OXR1: variants seen among roughly 807,000 people sequenced by gnomAD.
OXR1 encodes the protein oxidation resistance protein 1.
OXR1 carries 41 observed loss-of-function variants against 104.6 expected under a neutral mutation model. The ratio of observed to expected loss-of-function variants is 0.39; its 90% CI spans 0.31 to 0.51. The LOEUF (loss-of-function observed/expected upper bound fraction) is 0.51, where lower values mean the gene tolerates loss of function less well. Among genes scored for constraint, OXR1 ranks in the 20% least tolerant of loss-of-function variants. The pLI is 0.77. For missense variants in OXR1, 955 were observed against 1,031.9 expected (o/e 0.93, Z 1.02); for synonymous variants, 348 against 348.4 (o/e 1.00, Z 0.01).
At chr8:106,719,169 G>A (rs993145595) in intron 11 of OXR1, among the ~76,000 whole-genome samples, 1 of 152,138 alleles carries the variant, frequency 6.6e-6, no homozygotes, top group African/African-American at 2.4e-5. Context: ...TTGCAGTTCT[G>A]TGATAAATAT....
chr8:106,720,413 T>C (rs1832727704), intron 11 of OXR1, among the ~76,000 whole-genome samples: 2 of 152,284 alleles, frequency 1.3e-5, no homozygotes, highest in South Asian at 4.1e-4. Flanking sequence ...GTTAAACATA[T>C]ACAATATTAA....
chr8:106,330,001 T>A (rs1379795257), intron 1 of OXR1, among the ~76,000 whole-genome samples: 2 of 152,168 alleles, frequency 1.3e-5, no homozygotes, highest in African/African-American at 4.8e-5. Context: ...CCCCTCTCTG[T>A]CTGTAGCCCT....
chr8:106,404,540 C>T lies in OXR1; in HGVS notation c.23+44904C>T, dbSNP rs146343249. 2.8e-4 allele frequency among the ~76,000 whole-genome samples: 43 copies of T among 151,826 alleles called. No homozygotes were observed. The East Asian group carries it at 4.1e-3, about 14-fold the overall frequency. On this transcript the variant is annotated intron_variant, in intron 2 of 16. Transcript: ENST00000517566. ...TTTCCTTCAGAACACACATAGAAGA[C>T]GTTAGGTCATTTCTACCACATAAAA...
chr8:106,365,517 T>G (rs1368141230), intron 2 of OXR1, among the ~76,000 whole-genome samples: 1 of 152,012 alleles, frequency 6.6e-6, no homozygotes, highest in African/African-American at 2.4e-5. Flanking sequence ...AACTTTAAGG[T>G]AAAGTATCAT....
At chr8:106,447,940 C>CGG (rs1423506704) in intron 2 of OXR1, 2 of 1,533,854 alleles carry the variant, frequency 1.3e-6, no homozygotes, top group African/African-American at 2.7e-5. Context: ...ACATCTAGTA[C>CGG]GGGGCTCACA....
intron 3 of OXR1, among the ~76,000 whole-genome samples, chr8:106,632,686 A>G (rs1243614086): frequency 6.6e-6 from 1 of 152,170 alleles, no homozygotes; most frequent in South Asian, 2.1e-4. Flanking sequence ...ATTTTTACTT[A>G]TGCTTTACTT....
At chr8:106,490,989 C>T (rs965694170) in intron 2 of OXR1, among the ~76,000 whole-genome samples, 2 of 152,170 alleles carry the variant, frequency 1.3e-5, no homozygotes, top group African/African-American at 2.4e-5. Flanking sequence ...TCAGCCCCTT[C>T]GCTTGTCCTG....
intron 7 of OXR1, 72 bp from the exon 8 acceptor site, chr8:106,702,834 A>G: frequency 1.7e-6 from 2 of 1,149,924 alleles, no homozygotes; most frequent in Middle Eastern, 2.0e-4. Context: ...GAAGAAAATT[A>G]GTAAAAATAG....
Position 106,304,186 on chromosome 8 carries a change from T to C in OXR1, c.-139+33819T>C, listed in dbSNP as rs144038555. Among the ~76,000 whole-genome samples the C allele has an allele frequency of 5.9e-5, 9 of 152,308 alleles. No homozygotes were observed. The East Asian group carries it at 1.7e-3, about 29-fold the overall frequency. On this transcript the variant is annotated intron_variant, in intron 1 of 16. Transcript: ENST00000517566. ...TATGCTAAACCAAAATCTTGACTCA[T>C]CACCTCAAATTCCTAAATATTTATT...
chr8:106,636,237 T>C (rs961308221), intron 3 of OXR1, among the ~76,000 whole-genome samples: 5 of 152,210 alleles, frequency 3.3e-5, no homozygotes, highest in African/African-American at 9.7e-5. Flanking sequence ...TAAGCTGGTA[T>C]GTGTTTGTCA....
intron 2 of OXR1, among the ~76,000 whole-genome samples, chr8:106,457,898 T>A (rs1357777640): frequency 6.6e-6 from 1 of 152,098 alleles, no homozygotes; most frequent in Non-Finnish European, 1.5e-5. Context: ...TGGAAGAAAA[T>A]TTTTAAGTAA....
At chr8:106,727,882 C>G (rs1486498524) in intron 11 of OXR1, among the ~76,000 whole-genome samples, 1 of 151,934 alleles carries the variant, frequency 6.6e-6, no homozygotes, top group Non-Finnish European at 1.5e-5. Flanking sequence ...GAATTATTTC[C>G]CATTTTGAAG....
chr8:106,366,204 G>C (rs1816462315), intron 2 of OXR1, among the ~76,000 whole-genome samples: 1 of 152,102 alleles, frequency 6.6e-6, no homozygotes, highest in Non-Finnish European at 1.5e-5. Flanking sequence ...ATATCATCCA[G>C]GTCAAATAAT....
At chr8:106,673,324 A>G (rs983583081) in intron 3 of OXR1, among the ~76,000 whole-genome samples, 6 of 152,170 alleles carry the variant, frequency 3.9e-5, no homozygotes, top group Non-Finnish European at 8.8e-5. Flanking sequence ...CCCTAGAGAT[A>G]TATAGAACGT....
At chr8:106,367,280 G>C (rs1334918286) in intron 2 of OXR1, among the ~76,000 whole-genome samples, 2 of 151,908 alleles carry the variant, frequency 1.3e-5, no homozygotes, top group Non-Finnish European at 2.9e-5. Flanking sequence ...AGCCAGGACA[G>C]TCTCGATCTC....
chr8:106,464,054 T>G (rs1821051775), intron 2 of OXR1, among the ~76,000 whole-genome samples: 1 of 151,314 alleles, frequency 6.6e-6, no homozygotes, highest in African/African-American at 2.5e-5. Context: ...CCTATTTTTT[T>G]CTGTTACTTA....
intron 3 of OXR1, among the ~76,000 whole-genome samples, chr8:106,606,355 C>A (rs950703440): frequency 6.6e-6 from 1 of 151,830 alleles, no homozygotes. Flanking sequence ...GGCTGGAGTG[C>A]AGTGGTGTAA....
At chr8:106,594,595 T>C (rs1200952468) in intron 3 of OXR1, among the ~76,000 whole-genome samples, 1 of 152,026 alleles carries the variant, frequency 6.6e-6, no homozygotes, top group Non-Finnish European at 1.5e-5. Context: ...TCAGTGTGAG[T>C]ACATAATCTC....
intron 3 of OXR1, among the ~76,000 whole-genome samples, chr8:106,563,111 T>G (rs1414134969): frequency 6.6e-6 from 1 of 152,008 alleles, no homozygotes; most frequent in African/African-American, 2.4e-5. Flanking sequence ...GATCAAATTC[T>G]CACATAACAA....
Sources: allele counts gnomAD v4.1 joint callset (sites outside exome capture counted in the v4.1 genomes callset), GRCh38; gene constraint gnomAD v4.1.1; transcripts MANE v1.5; gene names NCBI Gene and HGNC (gene_info 2026-07-23, HGNC 2026-07-21).